OPCML: variants seen among roughly 807,000 people sequenced by gnomAD.
OPCML encodes opioid binding protein/cell adhesion molecule like, also known as opioid-binding protein/cell adhesion molecule.
Under a neutral mutation model 37.8 loss-of-function variants are expected in OPCML, and 13 were observed. The observed-to-expected ratio is 0.34, with a 90% CI of 0.22 to 0.55. The LOEUF (loss-of-function observed/expected upper bound fraction) is 0.55, where lower values mean the gene tolerates loss of function less well. OPCML is among the 20% of genes least tolerant of loss of function. OPCML has a pLI of 0.91. For missense variants in OPCML, 341 were observed against 435.6 expected (o/e 0.78, Z 1.93); for synonymous variants, 176 against 168.8 (o/e 1.04, Z -0.33).
chr11:132,952,522 A>G (rs1945883022), intron 1 of OPCML, among the ~76,000 whole-genome samples: 1 of 152,242 alleles, frequency 6.6e-6, no homozygotes, highest in African/African-American at 2.4e-5. Flanking sequence ...TTTCCTAGTC[A>G]GCTGCTAACC....
At chr11:132,873,598 G>A (rs1208696029) in intron 2 of OPCML, among the ~76,000 whole-genome samples, 2 of 151,854 alleles carry the variant, frequency 1.3e-5, no homozygotes, top group Non-Finnish European at 2.9e-5. Flanking sequence ...CCAAAGGGGA[G>A]AGGAAAGACA....
chr11:132,758,013 A>G (rs1340028461), intron 2 of OPCML, among the ~76,000 whole-genome samples: 1 of 152,200 alleles, frequency 6.6e-6, no homozygotes, highest in African/African-American at 2.4e-5. Context: ...AATTTTCTGC[A>G]TATGGCTAGC....
Position 132,976,959 on chromosome 11 carries a change from A to T in OPCML, c.62-33949T>A, listed in dbSNP as rs368172013. Among the ~76,000 whole-genome samples, 5 of 152,318 alleles carry T rather than the reference A, an allele frequency of 3.3e-5. No homozygotes were observed. In the East Asian group the frequency reaches 9.7e-4, roughly 29 times the overall value. On this transcript the variant is annotated intron_variant, in intron 1 of 7. Coordinates refer to ENST00000524381, the MANE Select transcript of OPCML (RefSeq NM_001012393.5). ...TTGAAATTTTCATTGTCTTGGGGAC[A>T]ATGTTAACGCATAGCAGAAAGCACT...
chr11:132,430,573 G>A (rs1455970351), intron 7 of OPCML, among the ~76,000 whole-genome samples: 1 of 152,206 alleles, frequency 6.6e-6, no homozygotes, highest in African/African-American at 2.4e-5. Flanking sequence ...GGCTTGGCCT[G>A]AGGAAGAAAC....
chr11:132,584,194 C>G (rs975851911), intron 3 of OPCML, among the ~76,000 whole-genome samples: 3 of 151,926 alleles, frequency 2.0e-5, no homozygotes, highest in Non-Finnish European at 2.9e-5. Context: ...ATAAAATTAA[C>G]AGATATCAAG....
At chr11:132,442,396 C>A (rs914353079) in intron 4 of OPCML, among the ~76,000 whole-genome samples, 1 of 152,170 alleles carries the variant, frequency 6.6e-6, no homozygotes, top group Non-Finnish European at 1.5e-5. Context: ...TTTGTGCCAG[C>A]GATATCTCAG....
rs561377236 is a variant in OPCML, at chr11:133,328,909, G to A, written c.61+203355C>T. Among the ~76,000 whole-genome samples, 10 of 152,274 alleles carry A rather than the reference G, an allele frequency of 6.6e-5. No homozygotes were observed. In the East Asian group the frequency reaches 9.6e-4, roughly 15 times the overall value. ...AGTCAAATTGTCCCTGTTTGCAGAC[G>A]ACATGATTGTATATCTAGAAAACCC... On this transcript the variant is annotated intron_variant, in intron 1 of 7. Coordinates refer to ENST00000524381, the MANE Select transcript of OPCML (RefSeq NM_001012393.5).
chr11:133,099,172 C>A (rs367577807), intron 1 of OPCML, among the ~76,000 whole-genome samples: 89 of 151,854 alleles, frequency 5.9e-4, no homozygotes, highest in African/African-American at 2.0e-3. Flanking sequence ...ACAAAGATAT[C>A]AAAGAAAAAC....
chr11:133,330,090 C>T (rs1040379017), intron 1 of OPCML, among the ~76,000 whole-genome samples: 1 of 152,186 alleles, frequency 6.6e-6, no homozygotes, highest in Non-Finnish European at 1.5e-5. Flanking sequence ...AAAAAATGCT[C>T]ATCATCACTG....
intron 2 of OPCML, among the ~76,000 whole-genome samples, chr11:132,778,571 A>G (rs1270405828): frequency 6.6e-6 from 1 of 152,198 alleles, no homozygotes; most frequent in Non-Finnish European, 1.5e-5. Flanking sequence ...TTTTCTGTGG[A>G]ATTTTGCAGT....
intron 1 of OPCML, among the ~76,000 whole-genome samples, chr11:133,284,726 C>T (rs1942252412): frequency 6.6e-6 from 1 of 152,068 alleles, no homozygotes; most frequent in Non-Finnish European, 1.5e-5. Context: ...ACAGAACATA[C>T]ATGTAAGTCT....
chr11:133,337,011 A>C (rs576490328), intron 1 of OPCML, among the ~76,000 whole-genome samples: 1 of 152,362 alleles, frequency 6.6e-6, no homozygotes, highest in Admixed American at 6.5e-5. Context: ...AACCAAATGA[A>C]TATAAAATGC....
intron 7 of OPCML, among the ~76,000 whole-genome samples, chr11:132,433,219 A>G (rs1049573124): frequency 6.6e-6 from 1 of 152,210 alleles, no homozygotes; most frequent in South Asian, 2.1e-4. Flanking sequence ...GCCATGTCAC[A>G]ATAAGTGTTG....
At chr11:133,052,162 AC>A (rs1349837505) in intron 1 of OPCML, among the ~76,000 whole-genome samples, 2 of 152,210 alleles carry the variant, frequency 1.3e-5, no homozygotes, top group East Asian at 3.8e-4. Context: ...TTAATTGAAT[AC>A]CCTATTTCCA....
At chr11:132,741,091 C>G (rs921436893) in intron 2 of OPCML, among the ~76,000 whole-genome samples, 1 of 152,116 alleles carries the variant, frequency 6.6e-6, no homozygotes, top group Admixed American at 6.5e-5. Context: ...CTGTATTCCT[C>G]ATAACTGATA....
chr11:133,259,115 T>C (rs1283316065), intron 1 of OPCML, among the ~76,000 whole-genome samples: 1 of 152,100 alleles, frequency 6.6e-6, no homozygotes, highest in African/African-American at 2.4e-5. Flanking sequence ...CTTTCCTACC[T>C]CCCCCTTCAT....
rs377420213 is a variant in OPCML, at chr11:132,556,089, C to T, written c.380-26903G>A. On this transcript the variant is annotated intron_variant, in intron 3 of 7. Coordinates refer to ENST00000524381, the MANE Select transcript of OPCML (RefSeq NM_001012393.5). ...AAGTAGCTGCGTCTACAGGTGTGCACGAACACACCCAGCTAATTTAGAAAA... is the reference window on the plus strand; with the variant it reads ...AAGTAGCTGCGTCTACAGGTGTGCATGAACACACCCAGCTAATTTAGAAAA... Among the ~76,000 whole-genome samples the T allele has an allele frequency of 1.2e-3, 180 of 151,906 alleles. 1 individual carries two copies. The highest frequency in any genetic ancestry group is 4.2e-3 in the African/African-American group (173 of 41,416).
intron 1 of OPCML, among the ~76,000 whole-genome samples, chr11:132,960,083 C>T (rs1245835686): frequency 3.9e-5 from 6 of 152,306 alleles, no homozygotes; most frequent in African/African-American, 1.2e-4. Flanking sequence ...ACACCAGAGA[C>T]AGAATTTAAA....
intron 1 of OPCML, among the ~76,000 whole-genome samples, chr11:133,310,019 G>A (rs910140521): frequency 6.6e-6 from 1 of 152,134 alleles, no homozygotes; most frequent in Non-Finnish European, 1.5e-5. Flanking sequence ...GATGTAAATT[G>A]GAAATATAAA....
Sources: allele counts gnomAD v4.1 joint callset (sites outside exome capture counted in the v4.1 genomes callset), GRCh38; gene constraint gnomAD v4.1.1; transcripts MANE v1.5; gene names NCBI Gene and HGNC (gene_info 2026-07-23, HGNC 2026-07-21).